The following GNAI1 variants were observed in gnomAD, a reference collection of about 807,000 sequenced individuals.
The protein encoded by GNAI1 is guanine nucleotide-binding protein G(i) subunit alpha-1.
In GNAI1, 11 loss-of-function variants were observed where a neutral mutation model predicts 38.9. That is an observed-to-expected ratio of 0.28 (90% CI 0.18 to 0.47). The LOEUF is 0.47. Among genes scored for constraint, GNAI1 ranks in the 20% least tolerant of loss-of-function variants. The pLI is 0.99. For synonymous variants in GNAI1, 166 were observed against 145.1 expected (o/e 1.14, Z -1.04); for missense variants, 317 against 436.9 (o/e 0.73, Z 2.45).
At position 80,199,292 on chromosome 7, in the gene GNAI1, C is replaced by T. The variant is rs773134896; in HGVS notation, c.371C>T (p.Ala124Val). The change falls in exon 4 of 8, where the codon GCT becomes GTT. Residue 124 changes from alanine to valine, a missense_variant. Ala to Val is a moderately conservative substitution (Grantham distance 64). Around this residue, in one of 5 missense-constraint regions of GNAI1, gnomAD observed 67 missense variants for 61.5 expected, o/e 1.09. Coordinates refer to ENST00000649796, the MANE Select transcript of GNAI1 (RefSeq NM_002069.6). ...GAAGGCTTTATGACTGCAGAACTTG[C>T]TGGAGTTATAAAGAGATTGTGGAAA... is the stretch of plus-strand genomic sequence containing the variant. ...AEEGFMTAEL[A>V]GVIKRLWKDS... 1.2e-6 allele frequency: 2 copies of T among 1,613,148 alleles called. No individual in the cohort carries two copies. The highest frequency in any genetic ancestry group is 1.7e-6 in the Non-Finnish European group (2 of 1,179,332).
At chr7:80,181,754 G>C (rs557172261) in intron 1 of GNAI1, among the ~76,000 whole-genome samples, 1 of 152,206 alleles carries the variant, frequency 6.6e-6, no homozygotes, top group Non-Finnish European at 1.5e-5. Context: ...CAGTGGGGTT[G>C]CCTCCTTTGA....
chr7:80,173,158 C>T (rs1000018215), intron 1 of GNAI1, among the ~76,000 whole-genome samples: 1 of 152,192 alleles, frequency 6.6e-6, no homozygotes, highest in Non-Finnish European at 1.5e-5. Context: ...TACTTGTTTT[C>T]TCCCTCCTGC....
At chr7:80,195,187 A>G (rs1010899077) in intron 3 of GNAI1, among the ~76,000 whole-genome samples, 1 of 151,826 alleles carries the variant, frequency 6.6e-6, no homozygotes, top group Admixed American at 6.6e-5. Context: ...CTATACATGT[A>G]TAAGATTTAT....
chr7:80,186,260 T>A (rs1413557145), intron 1 of GNAI1, among the ~76,000 whole-genome samples: 3 of 152,000 alleles, frequency 2.0e-5, no homozygotes, highest in Non-Finnish European at 4.4e-5. Flanking sequence ...CTAGAACTCT[T>A]GTCCTCGTGA....
At chr7:80,151,276 T>G (rs904566447) in intron 1 of GNAI1, among the ~76,000 whole-genome samples, 1 of 152,140 alleles carries the variant, frequency 6.6e-6, no homozygotes, top group Non-Finnish European at 1.5e-5. Context: ...GGATCCCTAA[T>G]AAAACAGTTC....
At chr7:80,204,393 C>G (rs2115685742) in intron 5 of GNAI1, among the ~76,000 whole-genome samples, 1 of 152,178 alleles carries the variant, frequency 6.6e-6, no homozygotes, top group South Asian at 2.1e-4. Flanking sequence ...GAATCGTAGT[C>G]TTTAGAAATG....
chr7:80,182,757 C>T (rs993241610), intron 1 of GNAI1, among the ~76,000 whole-genome samples: 3 of 152,116 alleles, frequency 2.0e-5, no homozygotes, highest in African/African-American at 7.2e-5. Flanking sequence ...GACCCTCACC[C>T]CTTTATACAT....
In GNAI1 at chr7:80,221,031, C is replaced by T. The variant is rs1461354387; in HGVS notation, c.*3538C>T. On this transcript the variant is annotated 3_prime_UTR_variant, in exon 8 of 8. Transcript: ENST00000649796. ...TTTACATCATTTGCCGTTTGCAGAA[C>T]CACCTTATGTAAATGAATTTAGTTG... 6.6e-6 allele frequency among the ~76,000 whole-genome samples: 1 copy of T among 152,150 alleles called. No individual in the cohort carries two copies. The highest frequency in any genetic ancestry group is 1.5e-5 in the Non-Finnish European group (1 of 68,030).
chr7:80,178,750 A>G (rs1788238943), intron 1 of GNAI1, among the ~76,000 whole-genome samples: 1 of 152,176 alleles, frequency 6.6e-6, no homozygotes, highest in African/African-American at 2.4e-5. Context: ...ATTTATTGCA[A>G]TATTCTCTTT....
In GNAI1 at chr7:80,219,701, CATT is replaced by C. The variant is rs1789038949; in HGVS notation, c.*2209_*2211del. On this transcript the variant is annotated 3_prime_UTR_variant, in exon 8 of 8. Coordinates refer to ENST00000649796, the MANE Select transcript of GNAI1 (RefSeq NM_002069.6). ...ATTTTTCCTTACTAAGTACCATCAT[CATT>C]TATTCCTTCAATGGGGAACTTTTTA... Among the ~76,000 whole-genome samples the C allele has an allele frequency of 6.6e-6, 1 of 152,144 alleles. No individual in the cohort carries two copies. The highest frequency in any genetic ancestry group is 2.1e-4 in the South Asian group (1 of 4,828).
intron 3 of GNAI1, 86 bp from the exon 4 acceptor site, chr7:80,199,139 T>C: frequency 1.0e-6 from 1 of 968,544 alleles, no homozygotes; most frequent in South Asian, 2.2e-5. Context: ...ATTGCCTTTT[T>C]TTTTTTAACT....
At chr7:80,146,586 T>C (rs1186092764) in intron 1 of GNAI1, among the ~76,000 whole-genome samples, 3 of 152,140 alleles carry the variant, frequency 2.0e-5, no homozygotes, top group Admixed American at 2.0e-4. Context: ...TAGAAGTAAT[T>C]TTGAATCTTT....
chr7:80,174,898 A>G (rs936900882), intron 1 of GNAI1, among the ~76,000 whole-genome samples: 49 of 152,338 alleles, frequency 3.2e-4, no homozygotes, highest in African/African-American at 1.2e-3. Flanking sequence ...AATAAAAGAA[A>G]AAGCTAAAGA....
intron 3 of GNAI1, among the ~76,000 whole-genome samples, chr7:80,198,114 A>G (rs1788613014): frequency 6.6e-6 from 1 of 151,816 alleles, no homozygotes; most frequent in South Asian, 2.1e-4. Flanking sequence ...TTACTTGGAA[A>G]CTAGAGTTAG....
chr7:80,192,936 C>T (rs985412975), intron 3 of GNAI1, among the ~76,000 whole-genome samples: 3 of 152,010 alleles, frequency 2.0e-5, no homozygotes, highest in Non-Finnish European at 4.4e-5. Context: ...TGACCTCAGG[C>T]GATCCACCTG....
chr7:80,165,855 C>T (rs181087270), intron 1 of GNAI1, among the ~76,000 whole-genome samples: 8 of 152,170 alleles, frequency 5.3e-5, no homozygotes, highest in Admixed American at 1.3e-4. Context: ...ACTTTGATAG[C>T]AGTTACTGTA....
At chr7:80,163,521 C>T (rs962147805) in intron 1 of GNAI1, among the ~76,000 whole-genome samples, 5 of 152,154 alleles carry the variant, frequency 3.3e-5, no homozygotes, top group African/African-American at 1.2e-4. Flanking sequence ...TAGCTCAAAC[C>T]AGTAACACAT....
chr7:80,154,517 T>C (rs1404132344), intron 1 of GNAI1, among the ~76,000 whole-genome samples: 1 of 152,088 alleles, frequency 6.6e-6, no homozygotes, highest in African/African-American at 2.4e-5. Flanking sequence ...GAACACTGTG[T>C]ATACATTAAT....
chr7:80,194,159 A>C (rs766318969), intron 3 of GNAI1, among the ~76,000 whole-genome samples: 8 of 152,100 alleles, frequency 5.3e-5, no homozygotes, highest in Non-Finnish European at 1.2e-4. Context: ...AAAATTTAGG[A>C]GTCTTGTATT....
Sources: allele counts gnomAD v4.1 joint callset (sites outside exome capture counted in the v4.1 genomes callset), GRCh38; gene constraint gnomAD v4.1.1; regional missense constraint gnomAD v4.1.1; transcripts MANE v1.5; gene names NCBI Gene and HGNC (gene_info 2026-07-23, HGNC 2026-07-21).